ARMC2: variants seen among roughly 807,000 people sequenced by gnomAD.
ARMC2 encodes the protein armadillo repeat containing 2.
In ARMC2, 67 loss-of-function variants were observed where a neutral mutation model predicts 90.3. The observed-to-expected ratio is 0.74, with a 90% CI of 0.61 to 0.91. ARMC2 has a LOEUF of 0.91. Ranked by LOEUF, ARMC2 falls within the 40% of genes least tolerant of loss-of-function variation. The probability of loss-of-function intolerance (pLI) is 0.00; values close to 1 mark genes in which losing one functional copy is unlikely to be tolerated. For synonymous variants in ARMC2, 393 were observed against 393.0 expected, an observed-to-expected ratio of 1.00 and a Z score of 0.00; for missense variants, 920 against 1,030.9, an observed-to-expected ratio of 0.89 and a Z score of 1.47.
At chr6:108,919,258 T>A (rs1322254553) in intron 10 of ARMC2, among the ~76,000 whole-genome samples, 1 of 152,248 alleles carries the variant, frequency 6.6e-6, no homozygotes, top group African/African-American at 2.4e-5. Flanking sequence ...TCATAGTTTT[T>A]AAATGTAGAG....
At chr6:109,009,396 C>T in the ARMC2 span, 1 of 1,461,818 alleles carries the variant, frequency 6.8e-7, no homozygotes, top group African/African-American at 1.5e-5. Context: ...CTGCTTGCAG[C>T]CCAGCAGCCC....
At chr6:109,004,077 T>C in the ARMC2 span, among the ~76,000 whole-genome samples, 3 of 152,100 alleles carry the variant, frequency 2.0e-5, no homozygotes, top group African/African-American at 7.2e-5. Context: ...TTGGGACAAC[T>C]GGATAGCCAT....
chr6:108,907,821 CCA>C (rs148428267), intron 8 of ARMC2: 219,634 of 1,608,724 alleles, frequency 0.14, 17,395 homozygotes, highest in Non-Finnish European at 0.16. Context: ...GGCAGCTCCC[CCA>C]GTTTGACCTC....
rs1778933743 is a variant in ARMC2, at chr6:108,974,264, G to A, written c.*750G>A. ...TGCTAGCTTTGTGGGCCTGGAGCAA[G>A]TAACTTAATTTCTTGAGCTGCAACT... On this transcript the variant is annotated 3_prime_UTR_variant, in exon 18 of 18. Transcript: ENST00000392644. 1 of 152,216 alleles carries A rather than the reference G, an allele frequency of 6.6e-6. No homozygotes were observed. The highest frequency in any genetic ancestry group is 2.4e-5 in the African/African-American group (1 of 41,450). The allele number at this position is 152,216 out of a possible 1,614,324, so 9.4% of individuals were successfully genotyped here. A position where few individuals can be genotyped will look rare whatever the true frequency, so the allele number is the denominator to read the frequency against.
chr6:108,868,430 T>G (rs1776053669), intron 3 of ARMC2, among the ~76,000 whole-genome samples: 1 of 152,156 alleles, frequency 6.6e-6, no homozygotes, highest in African/African-American at 2.4e-5. Context: ...TTGGTAAGGC[T>G]GGTCTTGAAC....
chr6:108,895,962 G>A (rs1023834536), intron 6 of ARMC2, among the ~76,000 whole-genome samples: 2 of 152,132 alleles, frequency 1.3e-5, no homozygotes, highest in Non-Finnish European at 2.9e-5. Flanking sequence ...GGGGTACACT[G>A]ATGTCTGTTA....
chr6:108,854,718 C>T (rs1359769658), intron 2 of ARMC2, among the ~76,000 whole-genome samples: 2 of 152,198 alleles, frequency 1.3e-5, no homozygotes, highest in Admixed American at 1.3e-4. Context: ...TGGTTACCAT[C>T]GACGAACATA....
intron 12 of ARMC2, among the ~76,000 whole-genome samples, chr6:108,951,615 A>T (rs1284080270): frequency 6.6e-6 from 1 of 152,238 alleles, no homozygotes; most frequent in Non-Finnish European, 1.5e-5. Flanking sequence ...ACAAGCAGGA[A>T]CAAGTTGGTA....
At chr6:108,894,996 G>T (rs377047627) in intron 6 of ARMC2, among the ~76,000 whole-genome samples, 1 of 150,556 alleles carries the variant, frequency 6.6e-6, no homozygotes, top group Non-Finnish European at 1.5e-5. Context: ...TCAATCTCCT[G>T]ACCTCGTGAT....
At chr6:108,890,222 A>C (rs1052122188) in intron 5 of ARMC2, among the ~76,000 whole-genome samples, 4 of 117,296 alleles carry the variant, frequency 3.4e-5, no homozygotes, top group East Asian at 5.2e-4. Flanking sequence ...AAAAAAAAAA[A>C]AAAAAAACAG....
intron 10 of ARMC2, among the ~76,000 whole-genome samples, chr6:108,926,406 A>G (rs1047458893): frequency 2.0e-5 from 3 of 152,206 alleles, no homozygotes; most frequent in Middle Eastern, 3.2e-3. Context: ...TGGAATTCCT[A>G]GAATGGTTCA....
At chr6:109,012,081 G>A in the ARMC2 span, among the ~76,000 whole-genome samples, 1 of 152,142 alleles carries the variant, frequency 6.6e-6, no homozygotes, top group African/African-American at 2.4e-5. Context: ...CTCTAGGGCT[G>A]AGCACATACA....
At chr6:108,855,622 T>G (rs547335060) in intron 2 of ARMC2, among the ~76,000 whole-genome samples, 47 of 152,332 alleles carry the variant, frequency 3.1e-4, no homozygotes, top group Admixed American at 2.8e-3. Context: ...TGCGTTTAGC[T>G]TTGTAAGAAA....
At position 108,864,421 on chromosome 6, in the gene ARMC2, A is replaced by G. The variant is rs191477478; in HGVS notation, c.292-4403A>G. ...CCACCACCATGCCCAGCTAATTTTT[A>G]TATTTTTAGTAGAGACGGGGTTTCA... On this transcript the variant is annotated intron_variant, in intron 3 of 17. Transcript: ENST00000392644. 4.1e-3 allele frequency among the ~76,000 whole-genome samples: 621 copies of G among 151,822 alleles called. 2 individuals are homozygous for G. The highest frequency in any genetic ancestry group is 0.014 in the African/African-American group (582 of 41,458).
At chr6:108,987,647 A>T in the ARMC2 span, 9 of 1,362,030 alleles carry the variant, frequency 6.6e-6, no homozygotes, top group East Asian at 4.6e-5. Context: ...ATAAAATACA[A>T]CATCATATAA....
the ARMC2 span, among the ~76,000 whole-genome samples, chr6:109,036,418 C>A: frequency 6.6e-6 from 1 of 152,086 alleles, no homozygotes; most frequent in Non-Finnish European, 1.5e-5. Context: ...TCATTCTTTG[C>A]CTAATAAAAG....
rs1415999643 is a variant in ARMC2 at position 108,869,400 on chromosome 6, C to T, written c.463+405C>T. On this transcript the variant is annotated intron_variant, in intron 4 of 17. Transcript: ENST00000392644. ...GCACGTGCCTGTAATCCCAGCTACT[C>T]GGGAGGCTGAGGCAGGAGAAGTGCT... is the stretch of plus-strand genomic sequence containing the variant. 3.3e-5 allele frequency among the ~76,000 whole-genome samples: 5 copies of T among 151,998 alleles called. No individual in the cohort carries two copies. In the East Asian group the frequency reaches 5.8e-4, roughly 18 times the overall value.
intron 12 of ARMC2, among the ~76,000 whole-genome samples, chr6:108,950,961 A>G (rs1777138894): frequency 6.6e-6 from 1 of 152,180 alleles, no homozygotes; most frequent in African/African-American, 2.4e-5. Flanking sequence ...GGCCTGTGCC[A>G]CTGAGTTTAT....
intron 5 of ARMC2, among the ~76,000 whole-genome samples, chr6:108,888,384 CA>C (rs1246617542): frequency 1.3e-5 from 2 of 152,194 alleles, no homozygotes; most frequent in African/African-American, 4.8e-5. Flanking sequence ...ATGAGGAAAC[CA>C]AAACTTACCC....
Sources: allele counts gnomAD v4.1 joint callset (sites outside exome capture counted in the v4.1 genomes callset), GRCh38; gene constraint gnomAD v4.1.1; transcripts MANE v1.5; gene names NCBI Gene and HGNC (gene_info 2026-07-23, HGNC 2026-07-21).